The following HCRTR2 variants were observed in gnomAD, a reference collection of about 807,000 sequenced individuals.
HCRTR2 encodes the protein hypocretin receptor 2.
Under a neutral mutation model 49.0 loss-of-function variants are expected in HCRTR2, and 22 were observed. The observed-to-expected ratio is 0.45, with a 90% confidence interval of 0.32 to 0.64. The LOEUF (loss-of-function observed/expected upper bound fraction) is 0.64, where lower values mean the gene tolerates loss of function less well. Ranked by LOEUF, HCRTR2 falls within the 30% of genes least tolerant of loss-of-function variation. The pLI, the probability that HCRTR2 is intolerant of heterozygous loss-of-function variation, is 0.04. For synonymous variants in HCRTR2, 236 were observed against 205.3 expected, an observed-to-expected ratio of 1.15 and a Z score of -1.28; for missense variants, 491 against 559.4, an observed-to-expected ratio of 0.88 and a Z score of 1.23.
chr6:55,257,877 CT>C (rs1232815593), intron 3 of HCRTR2, among the ~76,000 whole-genome samples: 19 of 151,686 alleles, frequency 1.3e-4, no homozygotes, highest in African/African-American at 4.4e-4. Flanking sequence ...AATTGATTAG[CT>C]ACAAAATCCA....
At chr6:55,249,847 C>A (rs1166591706) in intron 2 of HCRTR2, among the ~76,000 whole-genome samples, 1 of 152,082 alleles carries the variant, frequency 6.6e-6, no homozygotes, top group East Asian at 1.9e-4. Context: ...GGTGACCACT[C>A]TCTGCTTGTC....
At chr6:55,236,347 T>A (rs961627302) in intron 1 of HCRTR2, among the ~76,000 whole-genome samples, 12 of 152,124 alleles carry the variant, frequency 7.9e-5, no homozygotes, top group East Asian at 5.8e-4. Context: ...ATTTTATATA[T>A]CAATTTCATG....
chr6:55,245,485 ATATATAT>A (rs1436097937), intron 1 of HCRTR2, among the ~76,000 whole-genome samples: 2 of 130,788 alleles, frequency 1.5e-5, no homozygotes, highest in Non-Finnish European at 3.2e-5. Context: ...ATATATATAT[ATATATAT>A]ATATATATAT....
At chr6:55,222,706 A>G (rs1765922081) in intron 1 of HCRTR2, among the ~76,000 whole-genome samples, 2 of 152,222 alleles carry the variant, frequency 1.3e-5, no homozygotes, top group African/African-American at 4.8e-5. Context: ...CTGCATGAAT[A>G]TACTTCTATG....
At chr6:55,240,711 TTAAGA>T (rs1208053332) in intron 1 of HCRTR2, 1 of 354,956 alleles carries the variant, frequency 2.8e-6, no homozygotes, top group Non-Finnish European at 5.6e-6. Flanking sequence ...TTTTACCTTT[TTAAGA>T]TAATACTCCT....
chr6:55,213,997 G>A (rs1765742043), intron 1 of HCRTR2, among the ~76,000 whole-genome samples: 1 of 151,256 alleles, frequency 6.6e-6, no homozygotes, highest in East Asian at 1.9e-4. Flanking sequence ...AAAAAAATGA[G>A]TTTTTACCAC....
intron 3 of HCRTR2, among the ~76,000 whole-genome samples, chr6:55,258,041 CTATT>C (rs1318466749): frequency 1.3e-5 from 2 of 151,924 alleles, no homozygotes; most frequent in African/African-American, 4.8e-5. Flanking sequence ...TTCATGTAAA[CTATT>C]TATAAGTCCA....
At position 55,201,492 on chromosome 6, in the gene HCRTR2, T is replaced by C. The variant is rs191619742; in HGVS notation, c.223+26682T>C. The stretch of plus-strand genomic sequence containing the variant: ...GTGGAATTCTAAATGCAAATCTCAA[T>C]AGTGCAATTCTAATTTACAATGAGA... On this transcript the variant is annotated intron_variant, in intron 1 of 6. Transcript: ENST00000370862. Among the ~76,000 whole-genome samples the C allele has an allele frequency of 2.7e-3, 415 of 152,290 alleles. 1 individual carries two copies. Among genetic ancestry groups the C allele is most frequent in the Non-Finnish European group, 3.3e-3 (222 of 68,004 alleles).
intron 1 of HCRTR2, among the ~76,000 whole-genome samples, chr6:55,230,859 T>A (rs939196096): frequency 2.0e-5 from 3 of 148,076 alleles, no homozygotes; most frequent in Non-Finnish European, 3.0e-5. Context: ...TTTTTTTTTT[T>A]ACGGTTCATT....
At chr6:55,221,618 C>T (rs1001561338) in intron 1 of HCRTR2, among the ~76,000 whole-genome samples, 5 of 151,700 alleles carry the variant, frequency 3.3e-5, no homozygotes, top group African/African-American at 7.3e-5. Context: ...TCGAGACCAT[C>T]CTGGCTAACA....
At chr6:55,157,066 G>T (rs138445612) in intron 1 of HCRTR2, among the ~76,000 whole-genome samples, 2 of 152,174 alleles carry the variant, frequency 1.3e-5, no homozygotes, top group African/African-American at 4.8e-5. Flanking sequence ...ATTTAGATTA[G>T]AAAGGAAGTA....
intron 1 of HCRTR2, among the ~76,000 whole-genome samples, chr6:55,197,660 C>T (rs919593253): frequency 2.0e-5 from 3 of 152,094 alleles, no homozygotes; most frequent in East Asian, 1.9e-4. Context: ...CTCGCTCTGT[C>T]TCCCAGGTTG....
intron 1 of HCRTR2, among the ~76,000 whole-genome samples, chr6:55,151,514 C>T (rs1764664578): frequency 6.6e-6 from 1 of 151,968 alleles, no homozygotes; most frequent in African/African-American, 2.4e-5. Flanking sequence ...CATCTTCAGG[C>T]TCCACTTCTA....
chr6:55,130,009 C>T (rs1204255625), intron 1 of HCRTR2, among the ~76,000 whole-genome samples: 1 of 151,980 alleles, frequency 6.6e-6, no homozygotes, highest in Non-Finnish European at 1.5e-5. Flanking sequence ...ATCATGTCCT[C>T]ATTTGTTTAA....
chr6:55,226,652 A>T (rs9349768), intron 1 of HCRTR2, among the ~76,000 whole-genome samples: 30,856 of 150,822 alleles, frequency 0.2, 3,303 homozygotes, highest in Non-Finnish European at 0.24. Flanking sequence ...GCATAAAAAC[A>T]TCCAAAATCA....
chr6:55,202,883 A>G (rs1335432302), intron 1 of HCRTR2, among the ~76,000 whole-genome samples: 3 of 152,142 alleles, frequency 2.0e-5, no homozygotes, highest in Non-Finnish European at 2.9e-5. Context: ...GGTATGAGGA[A>G]AACTCTCCCT....
chr6:55,182,903 T>C (rs1765156670), intron 1 of HCRTR2, among the ~76,000 whole-genome samples: 1 of 152,188 alleles, frequency 6.6e-6, no homozygotes, highest in South Asian at 2.1e-4. Context: ...ACAGAATCTA[T>C]ATAATAGTTA....
intron 1 of HCRTR2, among the ~76,000 whole-genome samples, chr6:55,230,457 T>C (rs930594404): frequency 5.9e-5 from 9 of 152,232 alleles, no homozygotes; most frequent in African/African-American, 2.2e-4. Context: ...CACTTTAAAA[T>C]GTATAATCTA....
chr6:55,163,640 G>T (rs1389497926), intron 1 of HCRTR2, among the ~76,000 whole-genome samples: 1 of 152,122 alleles, frequency 6.6e-6, no homozygotes, highest in African/African-American at 2.4e-5. Flanking sequence ...ATGGATTAAA[G>T]ACTTAAACGT....
Sources: allele counts gnomAD v4.1 joint callset (sites outside exome capture counted in the v4.1 genomes callset), GRCh38; gene constraint gnomAD v4.1.1; transcripts MANE v1.5; gene names NCBI Gene and HGNC (gene_info 2026-07-23, HGNC 2026-07-21).